GM2A: variants seen among roughly 807,000 people sequenced by gnomAD.
GM2A encodes GM2 ganglioside activator.
GM2A carries 7 observed loss-of-function variants against 12.9 expected under a neutral mutation model. The observed-to-expected ratio is 0.54, with a 90% CI of 0.31 to 1.02. The LOEUF is 1.02. Ranked by LOEUF, GM2A falls within the 50% of genes least tolerant of loss-of-function variation. The pLI, the probability that GM2A is intolerant of heterozygous loss-of-function variation, is 0.05. For missense variants in GM2A, 246 were observed against 241.0 expected (o/e 1.02, Z -0.14); for synonymous variants, 101 against 96.0 (o/e 1.05, Z -0.30).
chr5:151,268,418 G>C lies in GM2A; in HGVS notation c.*967G>C. 3.1e-6 allele frequency: 3 copies of C among 964,016 alleles called. No homozygotes were observed. Among genetic ancestry groups the C allele is most frequent in the Non-Finnish European group, 3.7e-6 (3 of 810,426 alleles). The allele number at this position is 964,016 out of a possible 1,614,324, so 59.7% of individuals were successfully genotyped here. On this transcript the variant is annotated 3_prime_UTR_variant, in exon 4 of 4. Coordinates refer to ENST00000357164, the MANE Select transcript of GM2A (RefSeq NM_000405.5). ...TCTGTCCACCTTGGCCTTGCAAAGC[G>C]CTGGATTACAGGCATGAGCCACTAC...
intron 1 of GM2A, among the ~76,000 whole-genome samples, chr5:151,258,821 CA>C (rs1186022179): frequency 2.6e-5 from 4 of 152,084 alleles, no homozygotes; most frequent in Non-Finnish European, 5.9e-5. Flanking sequence ...GTGGGACTGG[CA>C]GGTTTTCTCT....
rs1042740824 is a variant in GM2A at position 151,268,052 on chromosome 5, T to C, written c.*601T>C. ...AATCCCTTGGGGGAGATATTAGGAG[T>C]GCTCTGTTGTTTACAAACTCAGGTA... On this transcript the variant is annotated 3_prime_UTR_variant, in exon 4 of 4. Transcript: ENST00000357164. The C allele has an allele frequency of 4.0e-6, 4 of 1,007,150 alleles. No homozygotes were observed. The highest frequency in any genetic ancestry group is 1.0e-3 in the Middle Eastern group (2 of 2,008). 62.4% of individuals were successfully genotyped at this position (1,007,150 alleles called of 1,614,324 possible).
chr5:151,266,944 C>T (rs1281213867), intron 3 of GM2A, 31 bp downstream of exon 3: 3 of 1,549,096 alleles, frequency 1.9e-6, no homozygotes, highest in Admixed American at 1.7e-5. Flanking sequence ...GAGCGTTACC[C>T]CTGTGGCTAA....
rs12516391 is a variant in GM2A at position 151,269,445 on chromosome 5, A to G, written c.*1994A>G. The G allele has an allele frequency of 0.25, 246,816 of 984,716 alleles. 32,517 individuals carry two copies. The highest frequency in any genetic ancestry group is 0.38 in the Admixed American group (6,134 of 16,232). 61.0% of individuals were successfully genotyped at this position (984,716 alleles called of 1,614,324 possible). The stretch of plus-strand genomic sequence containing the variant: ...TCGCCATCCAGCTCCCTTGTTTGCT[A>G]TTTTGCTTTCCATCACATCATGACT... On this transcript the variant is annotated 3_prime_UTR_variant, in exon 4 of 4. Transcript: ENST00000357164.
At chr5:151,267,082 G>A (rs907224281) in intron 3 of GM2A, 169 bp downstream of exon 3, 20 of 847,938 alleles carry the variant, frequency 2.4e-5, no homozygotes, top group Non-Finnish European at 3.5e-5. Flanking sequence ...ATCCATCTAC[G>A]AAATGGGAGA....
intron 1 of GM2A, among the ~76,000 whole-genome samples, chr5:151,254,124 T>A (rs1268932737): frequency 6.6e-6 from 1 of 152,238 alleles, no homozygotes; most frequent in Non-Finnish European, 1.5e-5. Context: ...AAGTGTCTGT[T>A]GATGGATAAT....
Position 151,269,097 on chromosome 5 carries a change from A to G in GM2A, c.*1646A>G. 1 of 985,500 alleles carries G rather than the reference A, an allele frequency of 1.0e-6. No individual in the cohort carries two copies. Among genetic ancestry groups the G allele is most frequent in the Non-Finnish European group, 1.2e-6 (1 of 829,968 alleles). The allele number at this position is 985,500 out of a possible 1,614,324, so 61.0% of individuals were successfully genotyped here. On this transcript the variant is annotated 3_prime_UTR_variant, in exon 4 of 4. Transcript: ENST00000357164. The stretch of plus-strand genomic sequence containing the variant: ...CAGCTGCTTTTGGAGCAGGGGTCCA[A>G]GGAAGAGAGGGTGGCCTCGACATCA...
In GM2A at chr5:151,268,043, T is replaced by C; in HGVS notation, c.*592T>C. ...TGGGGGAGGAATCCCTTGGGGGAGA[T>C]ATTAGGAGTGCTCTGTTGTTTACAA... On this transcript the variant is annotated 3_prime_UTR_variant, in exon 4 of 4. Coordinates refer to ENST00000357164, the MANE Select transcript of GM2A (RefSeq NM_000405.5). The C allele has an allele frequency of 9.7e-7, 1 of 1,026,342 alleles. No homozygotes were observed. The highest frequency in any genetic ancestry group is 1.2e-6 in the Non-Finnish European group (1 of 854,332). 63.6% of individuals were successfully genotyped at this position (1,026,342 alleles called of 1,614,324 possible).
At position 151,253,311 on chromosome 5, in the gene GM2A, CTT is replaced by C. The variant is rs1253607389; in HGVS notation, c.81+17_81+18del. 4.4e-6 allele frequency: 7 copies of C among 1,597,230 alleles called. No homozygotes were observed. The highest frequency in any genetic ancestry group is 6.0e-6 in the Non-Finnish European group (7 of 1,165,114). On this transcript the variant is annotated intron_variant, in intron 1 of 3. Transcript: ENST00000357164. Reference sequence around the variant, plus strand: ...CACCTGAAAAAGGTGAGTGCACCCTCTTTTAAGAGTCTGTTTGCAGCCTCCTG... The same window carrying C: ...CACCTGAAAAAGGTGAGTGCACCCTCTTAAGAGTCTGTTTGCAGCCTCCTG...
chr5:151,257,437 TTC>T (rs2114029933), intron 1 of GM2A, among the ~76,000 whole-genome samples: 1 of 152,086 alleles, frequency 6.6e-6, no homozygotes, highest in East Asian at 1.9e-4. Flanking sequence ...CCAGAATCAA[TTC>T]TCTGTGTGGA....
intron 2 of GM2A, among the ~76,000 whole-genome samples, chr5:151,264,495 A>G (rs759537630): frequency 7.2e-5 from 11 of 152,236 alleles, no homozygotes; most frequent in Non-Finnish European, 1.2e-4. Context: ...GTTCTCACTC[A>G]GGGCATAACT....
chr5:151,264,112 A>T (rs1753843386), intron 2 of GM2A, among the ~76,000 whole-genome samples: 1 of 151,988 alleles, frequency 6.6e-6, no homozygotes, highest in Non-Finnish European at 1.5e-5. Context: ...GTAAATTGTC[A>T]CTGTATTTGT....
intron 2 of GM2A, among the ~76,000 whole-genome samples, chr5:151,260,587 C>T (rs1753779449): frequency 6.6e-6 from 1 of 152,156 alleles, no homozygotes; most frequent in South Asian, 2.1e-4. Flanking sequence ...CACTGCACTC[C>T]AGCCTGGGTG....
rs1164916817 is a variant in GM2A at position 151,267,541 on chromosome 5, GC to G, written c.*96del. The G allele has an allele frequency of 6.3e-7, 1 of 1,587,662 alleles. No individual in the cohort carries two copies. The highest frequency in any genetic ancestry group is 8.6e-7 in the Non-Finnish European group (1 of 1,168,244). On this transcript the variant is annotated 3_prime_UTR_variant, in exon 4 of 4. Coordinates refer to ENST00000357164, the MANE Select transcript of GM2A (RefSeq NM_000405.5). ...TGCCAAGGCCAAACTCCCACTCTCT[GC>G]CCCCCTTTAATCCCCTTTCTACAGT...
Position 151,267,441 on chromosome 5 carries a change from AG to A in GM2A, c.575del (p.Gly192AlafsTer42), listed in dbSNP as rs988046565. On this transcript the variant is annotated frameshift_variant, in exon 4 of 4. Coordinates refer to ENST00000357164, the MANE Select transcript of GM2A (RefSeq NM_000405.5). LOFTEE classifies it high-confidence loss of function. ...TGCATCAAGATCGCTGCCTCTCTAAAGGGCATATAACATGGCATCTGCCACA... is the reference window on the plus strand; with the variant it reads ...TGCATCAAGATCGCTGCCTCTCTAAAGGCATATAACATGGCATCTGCCACA... ...LGCIKIAASLKGI is the reference protein window; with the variant it reads ...LGCIKIAASLXGI 1 of 1,613,972 alleles carries A rather than the reference AG, an allele frequency of 6.2e-7. No individual in the cohort carries two copies. Among genetic ancestry groups the A allele is most frequent in the African/African-American group, 1.3e-5 (1 of 74,912 alleles).
chr5:151,258,151 A>G (rs1297428307), intron 1 of GM2A, among the ~76,000 whole-genome samples: 2 of 152,248 alleles, frequency 1.3e-5, no homozygotes, highest in Non-Finnish European at 2.9e-5. Flanking sequence ...TCCAAGGGGT[A>G]GGAACCCATT....
At chr5:151,266,944 C>A in intron 3 of GM2A, 31 bp downstream of exon 3, 1 of 1,549,090 alleles carries the variant, frequency 6.5e-7, no homozygotes, top group Non-Finnish European at 8.9e-7. Flanking sequence ...GAGCGTTACC[C>A]CTGTGGCTAA....
At chr5:151,254,684 T>A (rs1753651358) in intron 1 of GM2A, among the ~76,000 whole-genome samples, 2 of 152,208 alleles carry the variant, frequency 1.3e-5, no homozygotes, top group Non-Finnish European at 2.9e-5. Context: ...ACCTTAAACA[T>A]GCCTAGCCTA....
rs1753643678 is a variant in GM2A at position 151,254,338 on chromosome 5, C to G, written c.81+1041C>G. On this transcript the variant is annotated intron_variant, in intron 1 of 3. Coordinates refer to ENST00000357164, the MANE Select transcript of GM2A (RefSeq NM_000405.5). ...ATCTCATTTATATGCGGATTCTAAC[C>G]AAGTTGAACTTACAGAAGTTGAGAG... Among the ~76,000 whole-genome samples the G allele has an allele frequency of 2.0e-5, 3 of 152,224 alleles. No homozygotes were observed. In the South Asian group the frequency reaches 6.2e-4, roughly 32 times the overall value.
Sources: gnomAD v4.1 joint callset for allele counts (sites outside exome capture counted in the v4.1 genomes callset) on GRCh38, gnomAD v4.1.1 for gene constraint, MANE v1.5 for transcripts, NCBI Gene and HGNC (gene_info 2026-07-23, HGNC 2026-07-21) for gene names.